Variants in DNAJC8 observed in about 807,000 individuals in gnomAD.
DNAJC8 encodes the protein dnaJ homolog subfamily C member 8.
A neutral mutation model predicts 43.2 loss-of-function variants in DNAJC8; 24 were observed. That is an observed-to-expected ratio of 0.56 (90% CI 0.40 to 0.78). DNAJC8 has a LOEUF of 0.78. Among genes scored for constraint, DNAJC8 ranks in the 30% least tolerant of loss-of-function variants. The probability of loss-of-function intolerance (pLI) is 0.00; values close to 1 mark genes in which losing one functional copy is unlikely to be tolerated. For missense variants in DNAJC8, 207 were observed against 299.4 expected (o/e 0.69, Z 2.28); for synonymous variants, 83 against 98.0 (o/e 0.85, Z 0.90).
At chr1:28,210,398 A>G in intron 4 of DNAJC8, 173 bp downstream of exon 4, 2 of 607,710 alleles carry the variant, frequency 3.3e-6, no homozygotes, top group Non-Finnish European at 5.7e-6. Flanking sequence ...GTTAAGGTCT[A>G]CTTCTTAAAC....
At chr1:28,232,054 C>T (rs1002029134) in intron 1 of DNAJC8, among the ~76,000 whole-genome samples, 3 of 152,072 alleles carry the variant, frequency 2.0e-5, no homozygotes, top group Non-Finnish European at 4.4e-5. Context: ...CGCGCCCAAC[C>T]AAGAATTTTT....
chr1:28,206,265 T>C (rs532976702), intron 6 of DNAJC8, among the ~76,000 whole-genome samples: 5 of 152,136 alleles, frequency 3.3e-5, no homozygotes, highest in Admixed American at 6.5e-5. Context: ...ATTATTATTG[T>C]TTTTGAAACA....
intron 2 of DNAJC8, 25 bp from the exon 3 acceptor site, chr1:28,215,021 T>TA: frequency 6.3e-7 from 1 of 1,581,580 alleles, no homozygotes; most frequent in Non-Finnish European, 8.6e-7. Context: ...ATCAAAACCA[T>TA]AAAAAAGGTG....
intron 3 of DNAJC8, among the ~76,000 whole-genome samples, chr1:28,212,168 A>AATAAATAAATAAATATAT (rs35950985): frequency 6.4e-5 from 2 of 31,022 alleles, no homozygotes; most frequent in Non-Finnish European, 1.4e-4. Flanking sequence ...TAAATAAATA[A>AATAAATAAATAAATATAT]ATATATATAT....
chr1:28,212,173 ATATATATATATATATATATATATATAT>A lies in DNAJC8; in HGVS notation c.238-1563_238-1537del, dbSNP rs1646816647. ...TCCGTCTCAATAAATAAATAAATAT[ATATATATATATATATATATATATATAT>A]ATATATATATATATAAATGAAATTA... On this transcript the variant is annotated intron_variant, in intron 3 of 8. Coordinates refer to ENST00000263697, the MANE Select transcript of DNAJC8 (RefSeq NM_014280.3). Among the ~76,000 whole-genome samples the A allele has an allele frequency of 3.9e-4, 31 of 79,344 alleles. 1 individual carries two copies. In the East Asian group the frequency reaches 5.2e-3, roughly 13 times the overall value. 52.1% of individuals were successfully genotyped at this position (79,344 alleles called of 152,430 possible). A position where few individuals can be genotyped will look rare whatever the true frequency, so the allele number is the denominator to read the frequency against.
At chr1:28,217,360 C>T (rs988346539) in intron 2 of DNAJC8, among the ~76,000 whole-genome samples, 1 of 152,030 alleles carries the variant, frequency 6.6e-6, no homozygotes, top group Non-Finnish European at 1.5e-5. Context: ...GTGGCTCACG[C>T]TTGCAATCCC....
chr1:28,223,402 G>C (rs755054997), intron 2 of DNAJC8, among the ~76,000 whole-genome samples: 1 of 152,118 alleles, frequency 6.6e-6, no homozygotes, highest in Non-Finnish European at 1.5e-5. Flanking sequence ...CCACATGGAA[G>C]GGTGGCCTGA....
Position 28,232,969 on chromosome 1 carries a change from T to C in DNAJC8, c.30A>G (p.Ser10=), listed in dbSNP as rs777415384. The C allele has an allele frequency of 3.5e-5, 56 of 1,612,962 alleles. No individual in the cohort carries two copies. Among genetic ancestry groups the C allele is most frequent in the Non-Finnish European group, 4.6e-5 (54 of 1,180,012 alleles). ...CTTCCTCGGTGCTGCCTCCGCCGCCTGAAGTCCCGCTCTCTCCTGAAGCCG... is the reference window on the plus strand; with the variant it reads ...CTTCCTCGGTGCTGCCTCCGCCGCCCGAAGTCCCGCTCTCTCCTGAAGCCG... MAASGESGT[S]GGGGSTEEAF... Residue 10 remains serine (S), a synonymous_variant, in exon 1 of 9, where the codon TCA becomes TCG. Coordinates refer to ENST00000263697, the MANE Select transcript of DNAJC8 (RefSeq NM_014280.3).
intron 2 of DNAJC8, among the ~76,000 whole-genome samples, chr1:28,220,347 C>T (rs116474112): frequency 0.013 from 1,955 of 152,300 alleles, 25 homozygotes; most frequent in Non-Finnish European, 0.019. Context: ...ACATTCAGTA[C>T]CAACTTGTAG....
chr1:28,208,532 T>A, intron 5 of DNAJC8, 119 bp from the exon 6 acceptor site: 1 of 481,382 alleles, frequency 2.1e-6, no homozygotes. Flanking sequence ...AAAGTTTTCA[T>A]TAAAAAAAAA....
Position 28,225,070 on chromosome 1 carries a change from C to T in DNAJC8, c.180+3852G>A, listed in dbSNP as rs536830798. On this transcript the variant is annotated intron_variant, in intron 2 of 8. Coordinates refer to ENST00000263697, the MANE Select transcript of DNAJC8 (RefSeq NM_014280.3). Reference sequence around the variant, plus strand: ...CACCTTTTTGGGACAATTAGTAAAACCTGAATGGGGTCTGATGATTATATA... The same window carrying T: ...CACCTTTTTGGGACAATTAGTAAAATCTGAATGGGGTCTGATGATTATATA... Among the ~76,000 whole-genome samples, 24 of 151,188 alleles carry T rather than the reference C, an allele frequency of 1.6e-4. 1 individual carries two copies. Among genetic ancestry groups the T allele is most frequent in the African/African-American group, 5.8e-4 (24 of 41,204 alleles).
chr1:28,210,393 G>A, intron 4 of DNAJC8, 178 bp downstream of exon 4: 1 of 594,782 alleles, frequency 1.7e-6, no homozygotes, highest in South Asian at 2.3e-5. Flanking sequence ...GCAAAGTTAA[G>A]GTCTACTTCT....
intron 2 of DNAJC8, among the ~76,000 whole-genome samples, chr1:28,223,713 CAAAAAAA>C (rs750905346): frequency 1.9e-5 from 2 of 106,560 alleles, no homozygotes; most frequent in Admixed American, 1.1e-4. Flanking sequence ...CTTGTCTTTA[CAAAAAAA>C]AAAAAAAGAA....
At chr1:28,221,727 G>C (rs1438495022) in intron 2 of DNAJC8, among the ~76,000 whole-genome samples, 2 of 152,114 alleles carry the variant, frequency 1.3e-5, no homozygotes, top group Non-Finnish European at 2.9e-5. Context: ...CATCTCTCCA[G>C]CAAATCATCT....
intron 2 of DNAJC8, among the ~76,000 whole-genome samples, chr1:28,219,621 G>C (rs888173496): frequency 6.6e-5 from 10 of 152,144 alleles, no homozygotes; most frequent in African/African-American, 1.9e-4. Flanking sequence ...GTTTTCCTAT[G>C]GCTAAAGTTT....
Position 28,228,963 on chromosome 1 carries a change from T to C in DNAJC8, c.139A>G (p.Thr47Ala). The C allele has an allele frequency of 6.2e-7, 1 of 1,613,472 alleles. No individual in the cohort carries two copies. Among genetic ancestry groups the C allele is most frequent in the East Asian group, 2.2e-5 (1 of 44,862 alleles). The change falls in exon 2 of 9, where the codon ACC becomes GCC. Residue 47 changes from threonine to alanine, a missense_variant. By Grantham distance (58) the Thr-to-Ala change is moderately conservative. Around this residue, in one of 2 missense-constraint regions of DNAJC8, gnomAD observed 159 missense variants for 267.5 expected, o/e 0.59. Coordinates refer to ENST00000263697, the MANE Select transcript of DNAJC8 (RefSeq NM_014280.3). ...LTSKNQIERL[T>A]RPGSSYFNLN... ...TTGAAGTAAGAGGAACCAGGACGGG[T>C]CAGTCTTTCAATCTGATTTTTCGAA...
chr1:28,203,596 G>C, intron 8 of DNAJC8, 151 bp downstream of exon 8: 1 of 729,958 alleles, frequency 1.4e-6, no homozygotes, highest in South Asian at 1.6e-5. Context: ...CTTACAGGAG[G>C]CTGAGGCAGG....
At chr1:28,207,669 C>T (rs1346228486) in intron 6 of DNAJC8, among the ~76,000 whole-genome samples, 2 of 149,932 alleles carry the variant, frequency 1.3e-5, no homozygotes, top group East Asian at 4.3e-4. Flanking sequence ...GTCTCGAACT[C>T]CTGATCTCAT....
At chr1:28,213,232 A>G (rs1646827521) in intron 3 of DNAJC8, among the ~76,000 whole-genome samples, 1 of 152,234 alleles carries the variant, frequency 6.6e-6, no homozygotes, top group South Asian at 2.1e-4. Flanking sequence ...TTAATGATTT[A>G]TTAAGAATTC....
Sources: allele counts gnomAD v4.1 joint callset (sites outside exome capture counted in the v4.1 genomes callset), GRCh38; gene constraint gnomAD v4.1.1; regional missense constraint gnomAD v4.1.1; transcripts MANE v1.5; gene names NCBI Gene and HGNC (gene_info 2026-07-23, HGNC 2026-07-21).